ARID2: variants seen among roughly 807,000 people sequenced by gnomAD.
ARID2 encodes AT-rich interactive domain-containing protein 2.
In ARID2, 32 loss-of-function variants were observed where a neutral mutation model predicts 184.6. The ratio of observed to expected loss-of-function variants is 0.17; its 90% CI spans 0.13 to 0.23. ARID2 has a LOEUF of 0.23. Among genes scored for constraint, ARID2 ranks in the 10% least tolerant of loss-of-function variants. The pLI, the probability that ARID2 is intolerant of heterozygous loss-of-function variation, is 1.00. For synonymous variants in ARID2, 836 were observed against 772.6 expected (o/e 1.08, Z -1.36); for missense variants, 1,696 against 2,197.6 (o/e 0.77, Z 4.56).
chr12:45,742,860 T>C (rs1240838931), intron 3 of ARID2, among the ~76,000 whole-genome samples: 28 of 152,184 alleles, frequency 1.8e-4, no homozygotes, highest in Non-Finnish European at 1.5e-5. Flanking sequence ...GCACATGTAG[T>C]TTTGTTAAAT....
chr12:45,780,411 T>C (rs1275090094), intron 3 of ARID2, among the ~76,000 whole-genome samples: 2 of 152,148 alleles, frequency 1.3e-5, no homozygotes, highest in Non-Finnish European at 2.9e-5. Context: ...TTTATTCATA[T>C]GAAAAGTGAT....
chr12:45,738,061 C>T (rs1941164821), intron 3 of ARID2, among the ~76,000 whole-genome samples: 1 of 151,944 alleles, frequency 6.6e-6, no homozygotes, highest in Admixed American at 6.5e-5. Context: ...AATTGGAGAA[C>T]TTTCTTTACA....
intron 3 of ARID2, among the ~76,000 whole-genome samples, chr12:45,741,557 A>G (rs889660779): frequency 5.3e-5 from 8 of 151,814 alleles, no homozygotes; most frequent in Non-Finnish European, 8.8e-5. Context: ...TTTATTAGTT[A>G]GGTTTTTATG....
intron 5 of ARID2, among the ~76,000 whole-genome samples, chr12:45,818,251 T>G (rs1942841329): frequency 6.6e-6 from 1 of 152,304 alleles, no homozygotes; most frequent in Admixed American, 6.5e-5. Context: ...AACTAAAACA[T>G]TTTAGGTCAA....
chr12:45,863,598 A>C (rs936864338), intron 16 of ARID2, among the ~76,000 whole-genome samples: 4 of 152,032 alleles, frequency 2.6e-5, no homozygotes, highest in Admixed American at 2.6e-4. Context: ...TTTTAAAAAA[A>C]AAACAAACCA....
chr12:45,784,156 ATTTG>A lies in ARID2; in HGVS notation c.285-27254_285-27251del, dbSNP rs1358078285. Among the ~76,000 whole-genome samples the A allele has an allele frequency of 6.6e-5, 10 of 152,028 alleles. No individual in the cohort carries two copies. The East Asian group carries it at 1.7e-3, about 27-fold the overall frequency. On this transcript the variant is annotated intron_variant, in intron 3 of 20. Coordinates refer to ENST00000334344, the MANE Select transcript of ARID2 (RefSeq NM_152641.4). ...AGGTGTGTGCTGCTGTACCTGGCTA[ATTTG>A]TTTGTTTTATTTTTATTTTTATTTA...
Position 45,818,761 on chromosome 12 carries a change from T to G in ARID2, c.637+873T>G, listed in dbSNP as rs189400832. ...TGCAAAAGAATTTATTTCTCTGCAATTTGATTTGGGTCAAGTAGTGTTTTA... is the reference window on the plus strand; with the variant it reads ...TGCAAAAGAATTTATTTCTCTGCAAGTTGATTTGGGTCAAGTAGTGTTTTA... On this transcript the variant is annotated intron_variant, in intron 5 of 20. Coordinates refer to ENST00000334344, the MANE Select transcript of ARID2 (RefSeq NM_152641.4). Among the ~76,000 whole-genome samples the G allele has an allele frequency of 3.1e-3, 477 of 152,274 alleles. 5 individuals are homozygous for G. Among genetic ancestry groups the G allele is most frequent in the African/African-American group, 0.011 (460 of 41,574 alleles).
At chr12:45,795,587 C>T (rs369201784) in intron 3 of ARID2, among the ~76,000 whole-genome samples, 14 of 152,108 alleles carry the variant, frequency 9.2e-5, no homozygotes, top group Admixed American at 6.6e-4. Flanking sequence ...CGCCCGCCAC[C>T]ACGCCTGGTT....
rs1276925717 is a variant in ARID2 at position 45,849,643 on chromosome 12, T to C, written c.1779T>C (p.His593=). 10 of 1,613,692 alleles carry C rather than the reference T, an allele frequency of 6.2e-6. No homozygotes were observed. The highest frequency in any genetic ancestry group is 3.3e-5 in the Admixed American group (2 of 59,998). The part of the protein sequence containing the change: ...VEDSSSNGQA[H]IHVVGVKRRA... ...ATTCCAGTAGCAATGGGCAGGCACATATTCATGTGGTAGGAGTAAAACGGA... is the reference window on the plus strand; with the variant it reads ...ATTCCAGTAGCAATGGGCAGGCACACATTCATGTGGTAGGAGTAAAACGGA... The change falls in exon 14 of 21, where the codon CAT becomes CAC. Residue 593 remains histidine (H), a synonymous_variant. Coordinates refer to ENST00000334344, the MANE Select transcript of ARID2 (RefSeq NM_152641.4).
In ARID2 at chr12:45,850,216, C is replaced by T. The variant is rs1236530710; in HGVS notation, c.2093C>T (p.Ala698Val). 2.5e-6 allele frequency: 4 copies of T among 1,614,018 alleles called. No homozygotes were observed. The highest frequency in any genetic ancestry group is 3.4e-6 in the Non-Finnish European group (4 of 1,180,010). Residue 698 changes from alanine to valine, a missense_variant, in exon 15 of 21, where the codon GCT becomes GTT. By Grantham distance (64) the Ala-to-Val change is moderately conservative. Around this residue, in one of 11 missense-constraint regions of ARID2, gnomAD observed 713 missense variants for 824.4 expected, o/e 0.86. Coordinates refer to ENST00000334344, the MANE Select transcript of ARID2 (RefSeq NM_152641.4). ...PSPHTHQQQN[A>V]PVTVIQSKAP... ...CCTCATACCCACCAGCAACAAAATG[C>T]TCCAGTGACTGTCATTCAAAGTAAA...
At chr12:45,788,011 C>T (rs1942227358) in intron 3 of ARID2, among the ~76,000 whole-genome samples, 1 of 152,068 alleles carries the variant, frequency 6.6e-6, no homozygotes, top group African/African-American at 2.4e-5. Flanking sequence ...ATGTTTTTGT[C>T]GTTTACAACA....
At chr12:45,876,100 T>G (rs1419586319) in intron 16 of ARID2, among the ~76,000 whole-genome samples, 1 of 152,234 alleles carries the variant, frequency 6.6e-6, no homozygotes, top group African/African-American at 2.4e-5. Context: ...TAATTTAAAG[T>G]GAGAGACATA....
At chr12:45,797,864 A>G (rs988009601) in intron 3 of ARID2, among the ~76,000 whole-genome samples, 9 of 151,920 alleles carry the variant, frequency 5.9e-5, no homozygotes, top group African/African-American at 2.2e-4. Context: ...TAAATATTGT[A>G]TCTTTTAATA....
chr12:45,866,451 C>T (rs1460372719), intron 16 of ARID2, among the ~76,000 whole-genome samples: 2 of 152,262 alleles, frequency 1.3e-5, no homozygotes, highest in East Asian at 3.9e-4. Flanking sequence ...TTCCATAGCA[C>T]ATTTTCTACA....
Position 45,850,540 on chromosome 12 carries a change from A to G in ARID2, c.2417A>G (p.Gln806Arg). The G allele has an allele frequency of 6.2e-7, 1 of 1,614,128 alleles. No individual in the cohort carries two copies. Among genetic ancestry groups the G allele is most frequent in the Non-Finnish European group, 8.5e-7 (1 of 1,180,000 alleles). ...CAGAGTCATATGTTTGGCAGAGTAC[A>G]GAACATACCAGCATGTACTTCTACA... Reference protein sequence around the residue: ...VPQSHMFGRVQNIPACTSTVS... With the variant: ...VPQSHMFGRVRNIPACTSTVS... The change falls in exon 15 of 21, where the codon CAG becomes CGG. Residue 806 changes from glutamine (Q) to arginine (R), a missense_variant. Coordinates refer to ENST00000334344, the MANE Select transcript of ARID2 (RefSeq NM_152641.4).
chr12:45,833,037 CT>C (rs1237502120), intron 6 of ARID2, among the ~76,000 whole-genome samples: 2 of 152,110 alleles, frequency 1.3e-5, no homozygotes. Context: ...CACTGAAGCT[CT>C]TTTCAGTATT....
intron 16 of ARID2, among the ~76,000 whole-genome samples, chr12:45,867,142 C>T (rs1304448931): frequency 1.3e-5 from 2 of 151,800 alleles, no homozygotes. Flanking sequence ...GTAGAGATGG[C>T]ATTTCACCAT....
At chr12:45,842,529 C>A (rs75958531) in intron 11 of ARID2, among the ~76,000 whole-genome samples, 1 of 151,914 alleles carries the variant, frequency 6.6e-6, no homozygotes, top group African/African-American at 2.4e-5. Flanking sequence ...GAGGCCAAGG[C>A]GGGCAGATCT....
At chr12:45,878,669 A>T (rs1029985052) in intron 16 of ARID2, among the ~76,000 whole-genome samples, 1 of 152,050 alleles carries the variant, frequency 6.6e-6, no homozygotes, top group African/African-American at 2.4e-5. Flanking sequence ...TATTTATTAT[A>T]ATTATTTTAA....
Sources: gnomAD v4.1 joint callset for allele counts (sites outside exome capture counted in the v4.1 genomes callset) on GRCh38, gnomAD v4.1.1 for gene constraint, gnomAD v4.1.1 regional missense constraint, MANE v1.5 for transcripts, NCBI Gene and HGNC (gene_info 2026-07-23, HGNC 2026-07-21) for gene names.